The following HADHA variants were observed in gnomAD, a reference collection of about 807,000 sequenced individuals.
HADHA encodes the protein hydroxyacyl-CoA dehydrogenase trifunctional multienzyme complex subunit alpha.
HADHA carries 59 observed loss-of-function variants against 91.3 expected under a neutral mutation model. That is an observed-to-expected ratio of 0.65 (90% CI 0.52 to 0.80). HADHA has a LOEUF of 0.80. HADHA is among the 30% of genes least tolerant of loss of function. HADHA has a pLI of 0.00. For synonymous variants in HADHA, 320 were observed against 338.9 expected, an observed-to-expected ratio of 0.94 and a Z score of 0.61; for missense variants, 800 against 927.6, an observed-to-expected ratio of 0.86 and a Z score of 1.79.
Position 26,232,189 on chromosome 2 carries a change from C to T in HADHA, c.544G>A (p.Ala182Thr), listed in dbSNP as rs754272545. The change falls in exon 6 of 20, where the codon GCA becomes ACA. Residue 182 changes from alanine to threonine, a missense_variant. By Grantham distance (58) the Ala-to-Thr change is moderately conservative. Transcript: ENST00000380649. ...PEVLLGALPG[A>T]GGTQRLPKMV... ...TTGGGCAGCCTTTGTGTGCCTCCTG[C>T]TCCTGGTAAGGCCCCCAGCAAAACT... 8 of 1,610,964 alleles carry T rather than the reference C, an allele frequency of 5.0e-6. No individual in the cohort carries two copies. The highest frequency in any genetic ancestry group is 1.3e-5 in the African/African-American group (1 of 74,848).
chr2:26,234,426 C>G, intron 4 of HADHA, 71 bp from the exon 5 acceptor site: 1 of 1,209,860 alleles, frequency 8.3e-7, no homozygotes, highest in Non-Finnish European at 1.2e-6. Context: ...AATACTTATT[C>G]ACTATACACT....
At chr2:26,218,518 T>C (rs1462851876) in intron 7 of HADHA, among the ~76,000 whole-genome samples, 2 of 152,192 alleles carry the variant, frequency 1.3e-5, no homozygotes, top group Admixed American at 6.5e-5. Flanking sequence ...ATGGTAACTA[T>C]GTGGGCAACT....
chr2:26,232,662 C>T (rs549548115), intron 5 of HADHA, among the ~76,000 whole-genome samples: 4 of 152,162 alleles, frequency 2.6e-5, no homozygotes, highest in South Asian at 2.1e-4. Flanking sequence ...ATACCATATG[C>T]GGAATTGTTT....
chr2:26,215,817 A>C (rs992715854), intron 7 of HADHA, among the ~76,000 whole-genome samples: 24 of 152,230 alleles, frequency 1.6e-4, no homozygotes, highest in African/African-American at 5.8e-4. Flanking sequence ...ACAAGGAGGA[A>C]GGGGCTAGCT....
At chr2:26,217,811 G>A (rs1055970672) in intron 7 of HADHA, among the ~76,000 whole-genome samples, 6 of 152,088 alleles carry the variant, frequency 3.9e-5, no homozygotes, top group Admixed American at 6.5e-5. Context: ...AGAGGCTGAC[G>A]TGGAAAGATT....
chr2:26,234,113 C>T, intron 5 of HADHA, 104 bp downstream of exon 5: 1 of 1,139,654 alleles, frequency 8.8e-7, no homozygotes, highest in Non-Finnish European at 1.3e-6. Flanking sequence ...AGCGGATTCT[C>T]CTCCAGAAAC....
Position 26,215,208 on chromosome 2 carries a change from T to C in HADHA, c.677-33A>G, listed in dbSNP as rs575935544. 1.9e-6 allele frequency: 3 copies of C among 1,609,254 alleles called. No homozygotes were observed. In the Admixed American group the frequency reaches 5.0e-5, roughly 27 times the overall value. On this transcript the variant is annotated intron_variant, in intron 7 of 19. Coordinates refer to ENST00000380649, the MANE Select transcript of HADHA (RefSeq NM_000182.5). ...AATGAATGCAACACTGGAATGCAAA[T>C]CAGGCTTAGACCAGTCCCAGGTAGT...
At chr2:26,236,471 T>C (rs2147784135) in intron 4 of HADHA, among the ~76,000 whole-genome samples, 1 of 150,046 alleles carries the variant, frequency 6.7e-6, no homozygotes, top group African/African-American at 2.5e-5. Flanking sequence ...CAGGCTGGAG[T>C]GCAGTGGTGT....
At chr2:26,219,647 G>C (rs1309711923) in intron 7 of HADHA, among the ~76,000 whole-genome samples, 1 of 152,130 alleles carries the variant, frequency 6.6e-6, no homozygotes, top group Non-Finnish European at 1.5e-5. Context: ...AAATGCAATG[G>C]GGATAAAGGA....
chr2:26,215,260 A>G, intron 7 of HADHA, 85 bp from the exon 8 acceptor site: 2 of 1,235,428 alleles, frequency 1.6e-6, no homozygotes, highest in South Asian at 2.4e-5. Context: ...CCAAAGCCAA[A>G]GGCCCTAGCA....
chr2:26,216,764 T>C (rs927182032), intron 7 of HADHA, among the ~76,000 whole-genome samples: 1 of 152,094 alleles, frequency 6.6e-6, no homozygotes, highest in Non-Finnish European at 1.5e-5. Context: ...ATCTGTGACG[T>C]GAAATGCTGG....
intron 1 of HADHA, among the ~76,000 whole-genome samples, chr2:26,239,979 G>A (rs1276727625): frequency 6.6e-6 from 1 of 152,138 alleles, no homozygotes; most frequent in Non-Finnish European, 1.5e-5. Flanking sequence ...TTGACTAATA[G>A]TATGTTTCCT....
intron 7 of HADHA, among the ~76,000 whole-genome samples, chr2:26,216,286 C>T (rs573852128): frequency 6.6e-6 from 1 of 150,488 alleles, no homozygotes; most frequent in South Asian, 2.1e-4. Context: ...AGCAGACATA[C>T]AACCAATCTC....
In HADHA at chr2:26,201,152, T is replaced by C. The variant is rs772078762; in HGVS notation, c.1389A>G (p.Glu463=). ...AGTACAACAGCCCCTTGCTTACCGC[T>C]TCTACTTCCTTTAGCACTCTGTGCT... ...SLKHRVLKEV[E]AVIPDHCIFA... is the part of the protein sequence containing the mutation. Residue 463 remains glutamate (E), a synonymous_variant, in exon 13 of 20, where the codon GAA becomes GAG. Coordinates refer to ENST00000380649, the MANE Select transcript of HADHA (RefSeq NM_000182.5). 3.7e-6 allele frequency: 6 copies of C among 1,610,886 alleles called. No individual in the cohort carries two copies. Among genetic ancestry groups the C allele is most frequent in the Admixed American group, 1.7e-5 (1 of 60,010 alleles).
intron 2 of HADHA, 37 bp downstream of exon 2, chr2:26,239,065 A>C: frequency 1.3e-6 from 2 of 1,576,906 alleles, no homozygotes; most frequent in Non-Finnish European, 1.7e-6. Context: ...TCCAAAAAGC[A>C]ATGTAAGCAT....
At position 26,214,997 on chromosome 2, in the gene HADHA, A is replaced by G; in HGVS notation, c.799+56T>C. ...TCCTCATTTTGAATCTACAGCAAAT[A>G]AAATTAAATTCTCAGGAAAGAAGCT... On this transcript the variant is annotated intron_variant, in intron 8 of 19. Coordinates refer to ENST00000380649, the MANE Select transcript of HADHA (RefSeq NM_000182.5). This position sits in a 1 kb window ranked among gnomAD's most constrained non-coding sequence, Gnocchi z 4.1. 6.7e-7 allele frequency: 1 copy of G among 1,482,424 alleles called. No individual in the cohort carries two copies. The highest frequency in any genetic ancestry group is 9.4e-7 in the Non-Finnish European group (1 of 1,062,070). 91.8% of individuals were successfully genotyped at this position (1,482,424 alleles called of 1,614,324 possible).
In HADHA at chr2:26,221,672, G is replaced by A. The variant is rs973765268; in HGVS notation, c.677-6497C>T. On this transcript the variant is annotated intron_variant, in intron 7 of 19. Transcript: ENST00000380649. The surrounding 1 kb of genome is among the most constrained non-coding windows in gnomAD (Gnocchi z 4.8). Reference sequence around the variant, plus strand: ...CCAGCCTGCACCTATGGCCTCATGGGGAGTTCTCTATGGCCAGTTGATTGG... The same window carrying A: ...CCAGCCTGCACCTATGGCCTCATGGAGAGTTCTCTATGGCCAGTTGATTGG... Among the ~76,000 whole-genome samples the A allele has an allele frequency of 6.6e-6, 1 of 152,144 alleles. No homozygotes were observed. Among genetic ancestry groups the A allele is most frequent in the Admixed American group, 6.5e-5 (1 of 15,272 alleles).
chr2:26,198,565 G>C (rs1406924783), intron 13 of HADHA, among the ~76,000 whole-genome samples: 1 of 151,556 alleles, frequency 6.6e-6, no homozygotes, highest in Admixed American at 6.6e-5. Context: ...TCCTAACAGA[G>C]ATGAGAATCA....
intron 6 of HADHA, 140 bp from the exon 7 acceptor site, chr2:26,230,434 T>G: frequency 1.5e-6 from 1 of 688,014 alleles, no homozygotes; most frequent in East Asian, 2.8e-5. Flanking sequence ...ACAGCATAGA[T>G]AAGTTATATT....
Sources: allele counts gnomAD v4.1 joint callset (sites outside exome capture counted in the v4.1 genomes callset), GRCh38; gene constraint gnomAD v4.1.1; non-coding constraint Gnocchi (gnomAD v3.1); transcripts MANE v1.5; gene names NCBI Gene and HGNC (gene_info 2026-07-23, HGNC 2026-07-21).